HELB: variants seen among roughly 807,000 people sequenced by gnomAD.
HELB encodes DNA 5'-3' helicase B.
Under a neutral mutation model 101.7 loss-of-function variants are expected in HELB, and 96 were observed. The observed-to-expected ratio is 0.94, with a 90% confidence interval of 0.80 to 1.12. The LOEUF (loss-of-function observed/expected upper bound fraction) is 1.12, where lower values mean the gene tolerates loss of function less well. Among genes scored for constraint, HELB ranks in the 50% most tolerant of loss-of-function variants. HELB has a pLI of 0.00. For missense variants in HELB, 1,210 were observed against 1,291.9 expected, an observed-to-expected ratio of 0.94 and a Z score of 0.97; for synonymous variants, 437 against 459.7, an observed-to-expected ratio of 0.95 and a Z score of 0.63.
intron 6 of HELB, 77 bp downstream of exon 6, chr12:66,315,460 T>A: frequency 9.3e-7 from 1 of 1,073,782 alleles, no homozygotes. Flanking sequence ...ATTAGAATGA[T>A]TTAGTACAAT....
chr12:66,309,985 C>T lies in HELB; in HGVS notation c.1057C>T (p.Pro353Ser), dbSNP rs770537589. ...VVTYEKSCVF[P>S]YDLYHAERAI... ...GACATATGAGAAGTCCTGTGTCTTCCCTTATGACCTTTACCATGCTGAAAG... is the reference window on the plus strand; with the variant it reads ...GACATATGAGAAGTCCTGTGTCTTCTCTTATGACCTTTACCATGCTGAAAG... Residue 353 changes from proline to serine, a missense_variant, in exon 4 of 13, where the codon CCT becomes TCT. Pro to Ser is a moderately conservative substitution (Grantham distance 74). This residue lies in a region of HELB where 470 missense variants were observed against 563.1 expected (regional missense o/e 0.83). Coordinates refer to ENST00000247815, the MANE Select transcript of HELB (RefSeq NM_001370285.1). 6.2e-7 allele frequency: 1 copy of T among 1,614,116 alleles called. No homozygotes were observed. Among genetic ancestry groups the T allele is most frequent in the South Asian group, 1.1e-5 (1 of 91,086 alleles).
At position 66,322,779 on chromosome 12, in the gene HELB, A is replaced by G. The variant is rs769235535; in HGVS notation, c.2293A>G (p.Thr765Ala). The G allele has an allele frequency of 5.0e-6, 8 of 1,602,746 alleles. No homozygotes were observed. Among genetic ancestry groups the G allele is most frequent in the Non-Finnish European group, 6.0e-6 (7 of 1,172,476 alleles). ...CCCKHYTGHL[T>A]KDHQSRLVFG... ...CTGCAAACACTACACAGGCCACCTCACCAAGTGAGTGTCTTCGAGAACTGA... is the reference window on the plus strand; with the variant it reads ...CTGCAAACACTACACAGGCCACCTCGCCAAGTGAGTGTCTTCGAGAACTGA... The change falls in exon 9 of 13, where the codon ACC becomes GCC. Residue 765 changes from threonine to alanine, a missense_variant. By Grantham distance (58) the Thr-to-Ala change is moderately conservative (BLOSUM62 0). This residue lies in a region of HELB where 740 missense variants were observed against 728.8 expected (regional missense o/e 1.02). Coordinates refer to ENST00000247815, the MANE Select transcript of HELB (RefSeq NM_001370285.1).
At chr12:66,331,100 C>T in intron 11 of HELB, 54 bp from the exon 12 acceptor site, 6 of 1,529,328 alleles carry the variant, frequency 3.9e-6, no homozygotes, top group Non-Finnish European at 3.5e-6. Flanking sequence ...TGTCTGTAAA[C>T]TGTCTGAACC....
downstream of HELB, chr12:66,340,326 T>C (rs1322239583): frequency 6.6e-6 from 1 of 152,248 alleles, no homozygotes; most frequent in Non-Finnish European, 1.5e-5. Flanking sequence ...GGGTATGAAG[T>C]AGTATTTCAT....
At chr12:66,308,171 A>T (rs2053499989) in intron 3 of HELB, among the ~76,000 whole-genome samples, 1 of 152,108 alleles carries the variant, frequency 6.6e-6, no homozygotes, top group African/African-American at 2.4e-5. Context: ...TGTGGGCATT[A>T]AGTGATTACT....
chr12:66,315,898 T>C (rs1236641295), intron 6 of HELB, among the ~76,000 whole-genome samples: 1 of 152,234 alleles, frequency 6.6e-6, no homozygotes, highest in Non-Finnish European at 1.5e-5. Context: ...TTATCCTCTG[T>C]CAGCTCAGAC....
At position 66,314,118 on chromosome 12, in the gene HELB, A is replaced by G. The variant is rs2053574423; in HGVS notation, c.1813A>G (p.Asn605Asp). ...TGTAGGAATCTTCAAATCGGTCTTA[A>G]ATTTATTGTGTGAGCACTCCAAACT... ...VSVGIFKSVL[N>D]LLCEHSKLSK... The change falls in exon 5 of 13, where the codon AAT becomes GAT. Residue 605 changes from asparagine to aspartate, a missense_variant. This residue lies in a region of HELB where 740 missense variants were observed against 728.8 expected (regional missense o/e 1.02). Transcript: ENST00000247815. 6.2e-7 allele frequency: 1 copy of G among 1,613,702 alleles called. No homozygotes were observed.
intron 9 of HELB, 38 bp downstream of exon 9, chr12:66,322,821 C>A: frequency 7.2e-7 from 1 of 1,394,840 alleles, no homozygotes; most frequent in Non-Finnish European, 1.0e-6. Context: ...TAAGGACAGT[C>A]CTTCTTCGAT....
intron 2 of HELB, 25 bp from the exon 3 acceptor site, chr12:66,306,320 T>C (rs963485630): frequency 2.0e-6 from 3 of 1,520,770 alleles, no homozygotes; most frequent in Non-Finnish European, 2.7e-6. Flanking sequence ...TATGTTTTAC[T>C]TTGTTCCTTT....
intron 6 of HELB, among the ~76,000 whole-genome samples, chr12:66,317,815 G>A (rs546723523): frequency 3.2e-4 from 48 of 152,262 alleles, no homozygotes; most frequent in African/African-American, 7.7e-4. Flanking sequence ...CTGGGCTATC[G>A]CCAGCAAGAA....
intron 7 of HELB, chr12:66,321,600 C>T (rs1380591681): frequency 9.0e-6 from 2 of 221,914 alleles, no homozygotes; most frequent in Admixed American, 5.3e-5. Context: ...GGAAGTTTTA[C>T]ATTAGTCATG....
Position 66,328,233 on chromosome 12 carries a change from G to T in HELB, c.2671-2921G>T, listed in dbSNP as rs565307230. ...GTAGCTATTGAGCGCTGGAAATGTG[G>T]CTAGAGTGACTGAAAAACTAAATTT... On this transcript the variant is annotated intron_variant, in intron 11 of 12. Transcript: ENST00000247815. Among the ~76,000 whole-genome samples, 10 of 152,302 alleles carry T rather than the reference G, an allele frequency of 6.6e-5. No individual in the cohort carries two copies. In the South Asian group the frequency reaches 2.1e-3, roughly 32 times the overall value.
At chr12:66,312,114 A>G (rs547409039) in intron 4 of HELB, among the ~76,000 whole-genome samples, 1 of 152,374 alleles carries the variant, frequency 6.6e-6, no homozygotes, top group South Asian at 2.1e-4. Context: ...ATTTTGACTT[A>G]TCTCATTACA....
chr12:66,329,256 GCTC>G (rs2053777842), intron 11 of HELB, among the ~76,000 whole-genome samples: 1 of 152,170 alleles, frequency 6.6e-6, no homozygotes, highest in Non-Finnish European at 1.5e-5. Flanking sequence ...CAGATATTTG[GCTC>G]CTGTAGCATG....
At position 66,304,904 on chromosome 12, in the gene HELB, C is replaced by G. The variant is rs750778913; in HGVS notation, c.361C>G (p.Pro121Ala). 3 of 1,613,900 alleles carry G rather than the reference C, an allele frequency of 1.9e-6. No individual in the cohort carries two copies. The highest frequency in any genetic ancestry group is 1.7e-5 in the Admixed American group (1 of 60,002). The stretch of plus-strand genomic sequence containing the variant: ...CTTTTTGCAGTCTGATATGTCACCA[C>G]CAAATCAAAAACATATCTGTGCTCT... The part of the protein sequence containing the change: ...SYFLQSDMSP[P>A]NQKHICALFL... The change falls in exon 2 of 13, where the codon CCA becomes GCA. Residue 121 changes from proline to alanine, a missense_variant. By Grantham distance (27) the Pro-to-Ala change is conservative. Coordinates refer to ENST00000247815, the MANE Select transcript of HELB (RefSeq NM_001370285.1).
rs35841295 is a variant in HELB, at chr12:66,317,018, CAAA to C, written c.2001-1601_2001-1599del. 5.9e-3 allele frequency among the ~76,000 whole-genome samples: 479 copies of C among 81,484 alleles called. 5 individuals carry two copies. Among genetic ancestry groups the C allele is most frequent in the African/African-American group, 0.022 (461 of 21,414 alleles). 53.5% of individuals were successfully genotyped at this position (81,484 alleles called of 152,430 possible). A position where few individuals can be genotyped will look rare whatever the true frequency, so the allele number is the denominator to read the frequency against. On this transcript the variant is annotated intron_variant, in intron 6 of 12. Transcript: ENST00000247815. ...TGGGTGATACAGCAAGACTCCATCT[CAAA>C]AAAAAAAAAAAAAAAAAATACAAAC...
chr12:66,313,465 C>G (rs1368026640), intron 4 of HELB, among the ~76,000 whole-genome samples: 1 of 151,962 alleles, frequency 6.6e-6, no homozygotes, highest in East Asian at 1.9e-4. Flanking sequence ...ATTTTTTTCT[C>G]ATCTATATTA....
chr12:66,314,493 A>T (rs2136997017), intron 5 of HELB, among the ~76,000 whole-genome samples: 1 of 152,258 alleles, frequency 6.6e-6, no homozygotes, highest in Non-Finnish European at 1.5e-5. Flanking sequence ...AAAAAGTTTG[A>T]ATTATAGGCC....
At chr12:66,342,078 C>G (rs973587218), downstream of HELB, 1 of 152,108 alleles carries the variant, frequency 6.6e-6, no homozygotes, top group African/African-American at 2.4e-5. Flanking sequence ...GAAACTATTG[C>G]CTATCCAAAG....
Sources: gnomAD v4.1 joint callset for allele counts (sites outside exome capture counted in the v4.1 genomes callset) on GRCh38, gnomAD v4.1.1 for gene constraint, gnomAD v4.1.1 regional missense constraint, MANE v1.5 for transcripts, NCBI Gene and HGNC (gene_info 2026-07-23, HGNC 2026-07-21) for gene names.